DYSF: variants seen among roughly 807,000 people sequenced by gnomAD.
DYSF encodes the protein dysferlin, also known as dystrophy-associated fer-1-like 1.
In DYSF, 212 loss-of-function variants were observed where a neutral mutation model predicts 274.9. That is an observed-to-expected ratio of 0.77 (90% confidence interval 0.69 to 0.86). The LOEUF (loss-of-function observed/expected upper bound fraction) is 0.86. Ranked by LOEUF, DYSF falls within the 40% of genes least tolerant of loss-of-function variation. The pLI, the probability that DYSF is intolerant of heterozygous loss-of-function variation, is 0.00. For missense variants in DYSF, 2,666 were observed against 2,783.2 expected (o/e 0.96, Z 0.95); for synonymous variants, 1,091 against 1,078.7 (o/e 1.01, Z -0.22).
Position 71,574,309 on chromosome 2 carries a change from C to G in DYSF, c.3340C>G (p.Arg1114Gly). 1 of 1,614,116 alleles carries G rather than the reference C, an allele frequency of 6.2e-7. No homozygotes were observed. Residue 1114 changes from arginine (R) to glycine (G), a missense_variant, in exon 30 of 56, where the codon CGT (arginine) becomes GGT (glycine). Physicochemically the swap from Arg to Gly is moderately radical, Grantham distance 125. This residue lies in a region of DYSF where 1,460 missense variants were observed against 1,502.1 expected (regional missense o/e 0.97). Transcript: ENST00000410020. ...TGCCTTCCGCCGCCGCCGCTGGCGCCGTCGCATGGAGCCACTGGAGAAGAC... is the reference window on the plus strand; with the variant it reads ...TGCCTTCCGCCGCCGCCGCTGGCGCGGTCGCATGGAGCCACTGGAGAAGAC... ...TDAFRRRRWR[R>G]RMEPLEKTGP...
chr2:71,570,459 C>A, intron 28 of DYSF, 125 bp downstream of exon 28: 1 of 1,389,564 alleles, frequency 7.2e-7, no homozygotes, highest in Non-Finnish European at 1.0e-6. Context: ...CTTGAAGGCA[C>A]CCCCCACTCC....
intron 26 of DYSF, among the ~76,000 whole-genome samples, chr2:71,568,837 A>T (rs1030223318): frequency 5.9e-5 from 9 of 151,508 alleles, no homozygotes; most frequent in African/African-American, 2.2e-4. Context: ...CTGGGGTTAC[A>T]GGCTTGAGTC....
At chr2:71,609,023 ACAAG>A in intron 36 of DYSF, among the ~76,000 whole-genome samples, 2 of 151,580 alleles carry the variant, frequency 1.3e-5, no homozygotes, top group South Asian at 4.2e-4. Flanking sequence ...TGAACAGACC[ACAAG>A]CAGGCATTCA....
chr2:71,685,702 G>A (rs1158606777), intron 55 of DYSF, among the ~76,000 whole-genome samples: 1 of 152,208 alleles, frequency 6.6e-6, no homozygotes. Flanking sequence ...GCCGGGAGCA[G>A]GGCCAGCGTG....
intron 42 of DYSF, among the ~76,000 whole-genome samples, chr2:71,653,252 T>C (rs190039740): frequency 0.014 from 2,056 of 152,282 alleles, 30 homozygotes; most frequent in African/African-American, 0.032. Flanking sequence ...GTCAGTGTGG[T>C]GATTCCTCAG....
intron 4 of DYSF, among the ~76,000 whole-genome samples, chr2:71,506,535 G>A (rs548844695): frequency 4.1e-4 from 63 of 152,326 alleles, no homozygotes; most frequent in African/African-American, 1.4e-3. Flanking sequence ...GACCCGTGAC[G>A]TGGAGGACCT....
intron 30 of DYSF, among the ~76,000 whole-genome samples, chr2:71,589,205 C>T (rs940672337): frequency 1.3e-5 from 2 of 152,198 alleles, no homozygotes. Flanking sequence ...AGATGGGGAC[C>T]CAGAGATGCT....
At chr2:71,466,531 G>T (rs1315629561), upstream of DYSF, among the ~76,000 whole-genome samples, 1 of 152,166 alleles carries the variant, frequency 6.6e-6, no homozygotes, top group African/African-American at 2.4e-5. Context: ...TTCCTGGCCG[G>T]GAGCTGGGAC....
At chr2:71,539,405 TACAG>T (rs1321527924) in intron 17 of DYSF, among the ~76,000 whole-genome samples, 166 bp downstream of exon 17, 1 of 152,214 alleles carries the variant, frequency 6.6e-6, no homozygotes, top group African/African-American at 2.4e-5. Flanking sequence ...AGAGATGTCT[TACAG>T]ACACTTAGGG....
intron 55 of DYSF, among the ~76,000 whole-genome samples, chr2:71,684,133 A>G (rs1005103630): frequency 6.6e-6 from 1 of 152,212 alleles, no homozygotes; most frequent in Non-Finnish European, 1.5e-5. Context: ...TCCATCAGCA[A>G]AATCTGACTG....
At chr2:71,465,752 A>T (rs1284771409), upstream of DYSF, among the ~76,000 whole-genome samples, 1 of 152,180 alleles carries the variant, frequency 6.6e-6, no homozygotes, top group Admixed American at 6.6e-5. Context: ...CAGTGCCCTG[A>T]CAGGGGCTAG....
rs752063745 is a variant in DYSF, at chr2:71,570,633, G to A, written c.3120G>A (p.Arg1040=). 3.7e-6 allele frequency: 6 copies of A among 1,614,004 alleles called. No individual in the cohort carries two copies. In the South Asian group the frequency reaches 6.6e-5, roughly 18 times the overall value. Residue 1040 remains arginine, a synonymous_variant, in exon 29 of 56, where the codon CGG becomes CGA. Coordinates refer to ENST00000410020, the MANE Select transcript of DYSF (RefSeq NM_001130987.2). ...WEYSITIPPE[R]KPKHWVPAEK... is the part of the protein sequence containing the mutation. ...ATAGCATCACCATCCCCCCGGAGCG[G>A]AAGCCGAAGCACTGGGTCCCTGCTG...
intron 3 of DYSF, among the ~76,000 whole-genome samples, chr2:71,497,910 G>A (rs1168164032): frequency 6.6e-6 from 1 of 152,180 alleles, no homozygotes; most frequent in African/African-American, 2.4e-5. Flanking sequence ...TAAGGTCTGA[G>A]TTTTGAAGAC....
chr2:71,490,298 C>A (rs1157877577), intron 3 of DYSF, among the ~76,000 whole-genome samples: 1 of 152,196 alleles, frequency 6.6e-6, no homozygotes, highest in Admixed American at 6.5e-5. Flanking sequence ...TGAATTTCTT[C>A]TCTTTTCTCC....
In DYSF at chr2:71,589,706, C is replaced by T. The variant is rs2093193783; in HGVS notation, c.3496+20C>T. The T allele has an allele frequency of 1.9e-6, 3 of 1,601,978 alleles. No homozygotes were observed. The highest frequency in any genetic ancestry group is 1.3e-5 in the African/African-American group (1 of 74,602). ...TCGACTGTAAGTGAGGCTTCGAGGCCTCTATGGGGTGATAAGGGTGTGTCA... is the reference window on the plus strand; with the variant it reads ...TCGACTGTAAGTGAGGCTTCGAGGCTTCTATGGGGTGATAAGGGTGTGTCA... On this transcript the variant is annotated intron_variant, in intron 31 of 55. Transcript: ENST00000410020.
At chr2:71,662,980 G>A (rs2094920186) in intron 45 of DYSF, among the ~76,000 whole-genome samples, 1 of 152,216 alleles carries the variant, frequency 6.6e-6, no homozygotes, top group African/African-American at 2.4e-5. Flanking sequence ...CTGTGTCCAT[G>A]TGTCTGCATA....
chr2:71,578,511 T>C (rs1001750038), intron 30 of DYSF, among the ~76,000 whole-genome samples: 1 of 152,110 alleles, frequency 6.6e-6, no homozygotes, highest in Admixed American at 6.5e-5. Flanking sequence ...CACATGTGAG[T>C]GCAACTAAAC....
At chr2:71,635,560 C>T (rs1380266052) in intron 41 of DYSF, among the ~76,000 whole-genome samples, 1 of 151,964 alleles carries the variant, frequency 6.6e-6, no homozygotes, top group Non-Finnish European at 1.5e-5. Context: ...CCAGCCTGGC[C>T]AACATGGTGA....
In DYSF at chr2:71,574,318, G is replaced by A; in HGVS notation, c.3349G>A (p.Glu1117Lys). 6.2e-7 allele frequency: 1 copy of A among 1,614,180 alleles called. No homozygotes were observed. The highest frequency in any genetic ancestry group is 8.5e-7 in the Non-Finnish European group (1 of 1,180,020). Residue 1117 changes from glutamate (E) to lysine (K), a missense_variant, in exon 30 of 56, where the codon GAG becomes AAG. Transcript: ENST00000410020. ...FRRRRWRRRM[E>K]PLEKTGPAAV... Reference sequence around the variant, plus strand: ...CCGCCGCCGCTGGCGCCGTCGCATGGAGCCACTGGAGAAGACGGGGCCTGC... The same window carrying A: ...CCGCCGCCGCTGGCGCCGTCGCATGAAGCCACTGGAGAAGACGGGGCCTGC...
Sources: allele counts gnomAD v4.1 joint callset (sites outside exome capture counted in the v4.1 genomes callset), GRCh38; gene constraint gnomAD v4.1.1; regional missense constraint gnomAD v4.1.1; transcripts MANE v1.5; gene names NCBI Gene and HGNC (gene_info 2026-07-23, HGNC 2026-07-21).